The following PRKCE variants were observed in gnomAD, a reference collection of about 807,000 sequenced individuals.
The protein encoded by PRKCE is protein kinase C epsilon type.
A neutral mutation model predicts 85.4 loss-of-function variants in PRKCE; 16 were observed. The ratio of observed to expected loss-of-function variants is 0.19; its 90% CI spans 0.13 to 0.28. The LOEUF is 0.28. Ranked by LOEUF, PRKCE falls within the 10% of genes least tolerant of loss-of-function variation. The pLI is 1.00. For synonymous variants in PRKCE, 388 were observed against 371.5 expected, an observed-to-expected ratio of 1.04 and a Z score of -0.51; for missense variants, 573 against 975.2, an observed-to-expected ratio of 0.59 and a Z score of 5.49.
intron 1 of PRKCE, among the ~76,000 whole-genome samples, chr2:45,680,799 C>G (rs76592009): frequency 0.1 from 15,390 of 152,192 alleles, 959 homozygotes; most frequent in East Asian, 0.21. Context: ...ATGCTTTTAA[C>G]AAAAACCAGA....
At chr2:45,984,031 G>A (rs1357600994) in intron 5 of PRKCE, among the ~76,000 whole-genome samples, 3 of 148,976 alleles carry the variant, frequency 2.0e-5, no homozygotes, top group South Asian at 2.1e-4. Context: ...TCTGCCTCCC[G>A]GATTCAAGCA....
chr2:45,694,062 T>G (rs1216126044), intron 1 of PRKCE, among the ~76,000 whole-genome samples: 2 of 151,468 alleles, frequency 1.3e-5, no homozygotes, highest in Non-Finnish European at 2.9e-5. Flanking sequence ...GACACAGATT[T>G]TGTGGTTATT....
intron 1 of PRKCE, among the ~76,000 whole-genome samples, chr2:45,699,670 T>A (rs1276870271): frequency 6.6e-6 from 1 of 152,226 alleles, no homozygotes; most frequent in South Asian, 2.1e-4. Context: ...AGGAAACCAG[T>A]CTTGTTTTTT....
chr2:46,041,336 G>A lies in PRKCE; in HGVS notation c.1437+30819G>A, dbSNP rs1442086273. On this transcript the variant is annotated intron_variant, in intron 10 of 14. Transcript: ENST00000306156. This position sits in a 1 kb window ranked among gnomAD's most constrained non-coding sequence, Gnocchi z 5.5. ...GGCTCATTGGTTTTTCCTTCCATAA[G>A]TCAATATCTGATGCTTTGATTTTCT... Among the ~76,000 whole-genome samples, 2 of 152,152 alleles carry A rather than the reference G, an allele frequency of 1.3e-5. No homozygotes were observed. Among genetic ancestry groups the A allele is most frequent in the African/African-American group, 4.8e-5 (2 of 41,418 alleles).
At chr2:45,780,517 G>A (rs961037124) in intron 1 of PRKCE, among the ~76,000 whole-genome samples, 3 of 152,200 alleles carry the variant, frequency 2.0e-5, no homozygotes, top group Admixed American at 6.5e-5. Flanking sequence ...AGAATGAGGC[G>A]ACCAAGAGCC....
intron 1 of PRKCE, among the ~76,000 whole-genome samples, chr2:45,802,834 G>A (rs1687970823): frequency 1.3e-5 from 2 of 152,216 alleles, no homozygotes; most frequent in Admixed American, 1.3e-4. Context: ...CACAGTATAT[G>A]CACTAAATCA....
intron 2 of PRKCE, among the ~76,000 whole-genome samples, chr2:45,893,921 G>A (rs1695933308): frequency 6.6e-6 from 1 of 152,104 alleles, no homozygotes; most frequent in Non-Finnish European, 1.5e-5. Context: ...GGGCTCTATG[G>A]CCACAATCCT....
At chr2:45,785,550 G>T (rs1045328313) in intron 1 of PRKCE, among the ~76,000 whole-genome samples, 1 of 152,254 alleles carries the variant, frequency 6.6e-6, no homozygotes, top group Middle Eastern at 3.4e-3. Flanking sequence ...GAAAGCTGGA[G>T]GCAGTGCATG....
rs990470431 is a variant in PRKCE at position 46,041,155 on chromosome 2, C to T, written c.1437+30638C>T. On this transcript the variant is annotated intron_variant, in intron 10 of 14. Transcript: ENST00000306156. This position sits in a 1 kb window ranked among gnomAD's most constrained non-coding sequence, Gnocchi z 5.5. The stretch of plus-strand genomic sequence containing the variant: ...CAAGTTCACAGCAGGGATGCAGTCT[C>T]CAGTTTTTCTCATATTTGTACCAGT... 1.3e-5 allele frequency among the ~76,000 whole-genome samples: 2 copies of T among 152,208 alleles called. No individual in the cohort carries two copies. The highest frequency in any genetic ancestry group is 2.9e-5 in the Non-Finnish European group (2 of 68,042).
intron 1 of PRKCE, among the ~76,000 whole-genome samples, chr2:45,763,857 T>C (rs979302739): frequency 6.6e-6 from 1 of 152,188 alleles, no homozygotes; most frequent in Non-Finnish European, 1.5e-5. Flanking sequence ...CAAGCCGAAT[T>C]GAACAGATTG....
chr2:45,676,173 C>T (rs1676438518), intron 1 of PRKCE: 1 of 152,150 alleles, frequency 6.6e-6, no homozygotes, highest in Non-Finnish European at 1.5e-5. Flanking sequence ...ATTACATGGT[C>T]ATTATCAGTG....
intron 2 of PRKCE, among the ~76,000 whole-genome samples, chr2:45,909,506 G>C (rs1362177943): frequency 1.3e-5 from 2 of 152,168 alleles, no homozygotes; most frequent in African/African-American, 4.8e-5. Flanking sequence ...AATGATATTG[G>C]TTGTATTGTT....
At chr2:45,816,949 T>TA (rs1280029331) in intron 1 of PRKCE, among the ~76,000 whole-genome samples, 1 of 152,240 alleles carries the variant, frequency 6.6e-6, no homozygotes, top group African/African-American at 2.4e-5. Flanking sequence ...TTTCTATAAT[T>TA]ACCATTGTGA....
intron 13 of PRKCE, among the ~76,000 whole-genome samples, chr2:46,156,949 T>C (rs568130274): frequency 6.6e-6 from 1 of 152,356 alleles, no homozygotes; most frequent in South Asian, 2.1e-4. Flanking sequence ...GCAATACAAA[T>C]ATAACTTCTT....
intron 2 of PRKCE, among the ~76,000 whole-genome samples, chr2:45,873,455 CAA>C (rs56281653): frequency 0.81 from 116,704 of 143,936 alleles, 46,823 homozygotes; most frequent in East Asian, 0.98. Flanking sequence ...TAGTAGACTG[CAA>C]AAAAAAAAAA....
In PRKCE at chr2:46,017,759, T is replaced by A. The variant is rs7577839; in HGVS notation, c.1437+7242T>A. Among the ~76,000 whole-genome samples, 380 of 152,336 alleles carry A rather than the reference T, an allele frequency of 2.5e-3. 2 individuals carry two copies. Among genetic ancestry groups the A allele is most frequent in the African/African-American group, 8.9e-3 (372 of 41,574 alleles). On this transcript the variant is annotated intron_variant, in intron 10 of 14. Coordinates refer to ENST00000306156, the MANE Select transcript of PRKCE (RefSeq NM_005400.3). ...AGTAGCCATTCTGATGGGTGTGAGG[T>A]AGTATCTCATTATAGTTTTAATGTG...
intron 2 of PRKCE, among the ~76,000 whole-genome samples, chr2:45,897,824 C>T (rs1173074248): frequency 2.4e-4 from 37 of 152,214 alleles, no homozygotes; most frequent in Admixed American, 2.4e-3. Context: ...CTTCCTGAAA[C>T]TCCATCACAA....
chr2:45,681,315 A>G (rs1339143854), intron 1 of PRKCE, among the ~76,000 whole-genome samples: 1 of 146,426 alleles, frequency 6.8e-6, no homozygotes, highest in African/African-American at 2.5e-5. Context: ...AAAAAAAAAA[A>G]AAAGGCATAG....
In PRKCE at chr2:45,697,006, A is replaced by G. The variant is rs999538210; in HGVS notation, c.348+44558A>G. Among the ~76,000 whole-genome samples, 1 of 152,062 alleles carries G rather than the reference A, an allele frequency of 6.6e-6. No homozygotes were observed. Among genetic ancestry groups the G allele is most frequent in the East Asian group, 1.9e-4 (1 of 5,186 alleles). Reference sequence around the variant, plus strand: ...GTCTTCTTTCCCCCTTGGCTTTTGTACTTGCCACCAAGGCCCATGTTTGGT... The same window carrying G: ...GTCTTCTTTCCCCCTTGGCTTTTGTGCTTGCCACCAAGGCCCATGTTTGGT... On this transcript the variant is annotated intron_variant, in intron 1 of 14. Coordinates refer to ENST00000306156, the MANE Select transcript of PRKCE (RefSeq NM_005400.3). The surrounding 1 kb of genome is among the most constrained non-coding windows in gnomAD (Gnocchi z 4.2).
Sources: gnomAD v4.1 joint callset for allele counts (sites outside exome capture counted in the v4.1 genomes callset) on GRCh38, gnomAD v4.1.1 for gene constraint, Gnocchi (gnomAD v3.1) non-coding constraint, MANE v1.5 for transcripts, NCBI Gene and HGNC (gene_info 2026-07-23, HGNC 2026-07-21) for gene names.